CDC42BPA: variants seen among roughly 807,000 people sequenced by gnomAD.
CDC42BPA encodes the protein serine/threonine-protein kinase MRCK alpha.
CDC42BPA carries 80 observed loss-of-function variants against 223.5 expected under a neutral mutation model. The ratio of observed to expected loss-of-function variants is 0.36; its 90% CI spans 0.30 to 0.43. CDC42BPA has a LOEUF of 0.43. Among genes scored for constraint, CDC42BPA ranks in the 20% least tolerant of loss-of-function variants. CDC42BPA has a pLI of 1.00. For missense variants in CDC42BPA, 1,743 were observed against 2,099.9 expected (o/e 0.83, Z 3.32); for synonymous variants, 694 against 718.6 (o/e 0.97, Z 0.55).
At chr1:227,278,751 G>A (rs772183165) in intron 1 of CDC42BPA, among the ~76,000 whole-genome samples, 1 of 152,046 alleles carries the variant, frequency 6.6e-6, no homozygotes, top group South Asian at 2.1e-4. Flanking sequence ...ATCAACTTTA[G>A]CTCATCAGGG....
intron 10 of CDC42BPA, 45 bp downstream of exon 10, chr1:227,139,531 G>A: frequency 1.6e-6 from 2 of 1,272,790 alleles, no homozygotes; most frequent in Non-Finnish European, 2.1e-6. Context: ...TCATAACACT[G>A]TGAGTACAAT....
chr1:227,123,914 C>T (rs890399358), intron 11 of CDC42BPA, among the ~76,000 whole-genome samples: 5 of 151,926 alleles, frequency 3.3e-5, no homozygotes, highest in African/African-American at 1.2e-4. Flanking sequence ...AGGCACATAT[C>T]CCCAACCTCA....
chr1:227,015,221 C>T (rs552521051), intron 34 of CDC42BPA, among the ~76,000 whole-genome samples: 11 of 151,926 alleles, frequency 7.2e-5, no homozygotes, highest in South Asian at 4.2e-4. Flanking sequence ...GGTCAGGGTT[C>T]GAGACCAGCC....
chr1:227,273,254 C>T (rs1439332896), intron 1 of CDC42BPA, among the ~76,000 whole-genome samples: 1 of 151,420 alleles, frequency 6.6e-6, no homozygotes, highest in Non-Finnish European at 1.5e-5. Flanking sequence ...GTCGAGATTG[C>T]ACCACTGCAC....
At chr1:227,154,060 T>C (rs1386429677) in intron 6 of CDC42BPA, among the ~76,000 whole-genome samples, 2 of 151,920 alleles carry the variant, frequency 1.3e-5, no homozygotes, top group African/African-American at 2.4e-5. Flanking sequence ...TAGGAATGTG[T>C]TAAAATACTG....
At chr1:227,033,794 A>T (rs991003048) in intron 26 of CDC42BPA, among the ~76,000 whole-genome samples, 1 of 152,146 alleles carries the variant, frequency 6.6e-6, no homozygotes, top group Non-Finnish European at 1.5e-5. Context: ...TGTTCCTTCA[A>T]CATCTACAAC....
At chr1:227,047,859 G>A (rs1045266599) in intron 23 of CDC42BPA, 68 bp downstream of exon 23, 3 of 797,762 alleles carry the variant, frequency 3.8e-6, no homozygotes, top group African/African-American at 1.8e-5. Context: ...AAAAATCACA[G>A]CAAATGCATA....
intron 23 of CDC42BPA, among the ~76,000 whole-genome samples, chr1:227,045,598 A>G (rs1222448100): frequency 6.6e-6 from 1 of 152,048 alleles, no homozygotes; most frequent in Non-Finnish European, 1.5e-5. Context: ...TACTTGTTGG[A>G]TATGGATTTC....
intron 1 of CDC42BPA, among the ~76,000 whole-genome samples, chr1:227,285,001 A>C (rs1688599384): frequency 6.6e-6 from 1 of 152,010 alleles, no homozygotes; most frequent in African/African-American, 2.4e-5. Flanking sequence ...TCTGGATCAA[A>C]GCATTCTCTG....
chr1:227,283,586 G>A (rs1165128824), intron 1 of CDC42BPA, among the ~76,000 whole-genome samples: 1 of 152,046 alleles, frequency 6.6e-6, no homozygotes, highest in Admixed American at 6.5e-5. Context: ...TACATATGGA[G>A]ATAAAAATGG....
intron 5 of CDC42BPA, among the ~76,000 whole-genome samples, chr1:227,169,952 C>T (rs1665794777): frequency 6.6e-6 from 1 of 152,250 alleles, no homozygotes; most frequent in East Asian, 1.9e-4. Flanking sequence ...CTAATTAAGG[C>T]ACCCTGAACT....
In CDC42BPA at chr1:227,272,803, TTA is replaced by T. The variant is rs1328193154; in HGVS notation, c.179-18650_179-18649del. ...ACCAAGAGTATAATGAACAGAATAA[TTA>T]TTTTTTTAATGAAGTATATCAAGTA... On this transcript the variant is annotated intron_variant, in intron 1 of 36. Transcript: ENST00000366766. Among the ~76,000 whole-genome samples the T allele has an allele frequency of 4.6e-3, 625 of 136,660 alleles. 6 individuals are homozygous for T. The highest frequency in any genetic ancestry group is 0.017 in the African/African-American group (606 of 36,512). The allele number at this position is 136,660 out of a possible 152,430, so 89.7% of individuals were successfully genotyped here.
At chr1:227,096,163 G>C (rs1683961067) in intron 15 of CDC42BPA, among the ~76,000 whole-genome samples, 2 of 152,028 alleles carry the variant, frequency 1.3e-5, no homozygotes, top group Admixed American at 1.3e-4. Flanking sequence ...CCATCTCCAA[G>C]CAAATTTGTC....
chr1:227,288,389 T>A (rs962059133), intron 1 of CDC42BPA, among the ~76,000 whole-genome samples: 2 of 151,538 alleles, frequency 1.3e-5, no homozygotes, highest in African/African-American at 4.8e-5. Flanking sequence ...AATAAAAAAA[T>A]GAAAAATCTT....
intron 5 of CDC42BPA, among the ~76,000 whole-genome samples, chr1:227,169,881 T>C (rs1665787145): frequency 6.6e-6 from 1 of 152,212 alleles, no homozygotes; most frequent in South Asian, 2.1e-4. Flanking sequence ...TCACTAGCCC[T>C]CCTCATACAT....
intron 3 of CDC42BPA, among the ~76,000 whole-genome samples, chr1:227,205,123 G>A (rs1380897501): frequency 6.6e-6 from 1 of 151,770 alleles, no homozygotes; most frequent in Non-Finnish European, 1.5e-5. Context: ...GCCGGGTGTG[G>A]TGGTGGGAGG....
intron 23 of CDC42BPA, among the ~76,000 whole-genome samples, chr1:227,046,364 G>A (rs1404924094): frequency 6.6e-6 from 1 of 152,068 alleles, no homozygotes; most frequent in Non-Finnish European, 1.5e-5. Context: ...AGAGTGGGGA[G>A]GAGGAGGCTA....
At chr1:227,020,058 G>A (rs961915077) in intron 32 of CDC42BPA, among the ~76,000 whole-genome samples, 1 of 152,012 alleles carries the variant, frequency 6.6e-6, no homozygotes, top group Non-Finnish European at 1.5e-5. Context: ...CACCACAGCT[G>A]GCTAATTTTG....
intron 34 of CDC42BPA, among the ~76,000 whole-genome samples, chr1:227,010,473 A>T (rs1224954755): frequency 2.0e-5 from 3 of 152,208 alleles, no homozygotes; most frequent in African/African-American, 4.8e-5. Flanking sequence ...CACTAAATAT[A>T]AAACATTTCA....
Sources: allele counts gnomAD v4.1 joint callset (sites outside exome capture counted in the v4.1 genomes callset), GRCh38; gene constraint gnomAD v4.1.1; transcripts MANE v1.5; gene names NCBI Gene and HGNC (gene_info 2026-07-23, HGNC 2026-07-21).